Variants in REV3L observed in about 807,000 individuals in gnomAD.
The protein encoded by REV3L is REV3 like, DNA directed polymerase zeta catalytic subunit.
A neutral mutation model predicts 299.4 loss-of-function variants in REV3L; 69 were observed. The ratio of observed to expected loss-of-function variants is 0.23; its 90% confidence interval spans 0.19 to 0.28. The LOEUF is 0.28. REV3L is among the 10% of genes least tolerant of loss of function. The probability of loss-of-function intolerance (pLI) is 1.00; values close to 1 mark genes in which losing one functional copy is unlikely to be tolerated. For synonymous variants in REV3L, 1,238 were observed against 1,271.4 expected (o/e 0.97, Z 0.56); for missense variants, 3,128 against 3,693.8 (o/e 0.85, Z 3.97).
At chr6:111,418,671 T>C (rs1033757600) in intron 1 of REV3L, among the ~76,000 whole-genome samples, 2 of 152,236 alleles carry the variant, frequency 1.3e-5, no homozygotes, top group East Asian at 3.8e-4. Context: ...ACCAATACTC[T>C]TTCCATTTAA....
intron 31 of REV3L, among the ~76,000 whole-genome samples, chr6:111,301,697 T>G (rs1488923641): frequency 6.6e-6 from 1 of 152,102 alleles, no homozygotes. Context: ...GGATGTATAA[T>G]AAGATCTGAT....
At chr6:111,314,428 C>T (rs777815469) in intron 27 of REV3L, among the ~76,000 whole-genome samples, 1 of 152,148 alleles carries the variant, frequency 6.6e-6, no homozygotes, top group Non-Finnish European at 1.5e-5. Context: ...GATGTTCACA[C>T]CTAGAACCCA....
At position 111,475,024 on chromosome 6, in the gene REV3L, T is replaced by C. The variant is rs1002378201; in HGVS notation, c.139+7726A>G. 1.2e-3 allele frequency among the ~76,000 whole-genome samples: 170 copies of C among 136,970 alleles called. 1 individual carries two copies. Among genetic ancestry groups the C allele is most frequent in the South Asian group, 7.7e-3 (34 of 4,394 alleles). 89.9% of individuals were successfully genotyped at this position (136,970 alleles called of 152,430 possible). On this transcript the variant is annotated intron_variant, in intron 1 of 31. Coordinates refer to ENST00000368802, the MANE Select transcript of REV3L (RefSeq NM_001372078.1). The stretch of plus-strand genomic sequence containing the variant: ...ACACACACACACACACACACACACA[T>C]ATGGATTTTATTATAATAAAGAATT...
At chr6:111,412,119 T>C (rs879002710) in intron 2 of REV3L, 5 of 985,368 alleles carry the variant, frequency 5.1e-6, no homozygotes, top group Admixed American at 6.1e-5. Context: ...GTACCTATTA[T>C]ATGTACACAC....
At chr6:111,422,715 A>C (rs1785717808) in intron 1 of REV3L, among the ~76,000 whole-genome samples, 1 of 139,208 alleles carries the variant, frequency 7.2e-6, no homozygotes, top group African/African-American at 2.6e-5. Context: ...CCCCCACTAA[A>C]TATACAACTT....
At chr6:111,401,765 T>C (rs1339693477) in intron 4 of REV3L, among the ~76,000 whole-genome samples, 1 of 152,160 alleles carries the variant, frequency 6.6e-6, no homozygotes, top group African/African-American at 2.4e-5. Flanking sequence ...AATAAAACTA[T>C]TAGTGAATAT....
At position 111,390,151 on chromosome 6, in the gene REV3L, T is replaced by C. The variant is rs781398942; in HGVS notation, c.692A>G (p.Gln231Arg). The C allele has an allele frequency of 1.2e-6, 2 of 1,609,340 alleles. No homozygotes were observed. The highest frequency in any genetic ancestry group is 3.3e-5 in the Admixed American group (2 of 60,008). ...ATCCACTTCTAATTCACATGTACTCTGTGGTTCAACACCTTCCAATATTAA... is the reference window on the plus strand; with the variant it reads ...ATCCACTTCTAATTCACATGTACTCCGTGGTTCAACACCTTCCAATATTAA... ...SSLILEGVEPQSTCELEVDAV... is the reference protein window; with the variant it reads ...SSLILEGVEPRSTCELEVDAV... The change falls in exon 6 of 32, where the codon CAG (glutamine) becomes CGG (arginine). Residue 231 changes from glutamine to arginine, a missense_variant. Gln to Arg is a conservative substitution (Grantham distance 43). This residue lies in a region of REV3L where 2,409 missense variants were observed against 2,611.8 expected (regional missense o/e 0.92). Transcript: ENST00000368802.
chr6:111,481,590 G>T (rs1414501536), intron 1 of REV3L, among the ~76,000 whole-genome samples: 1 of 152,180 alleles, frequency 6.6e-6, no homozygotes, highest in Non-Finnish European at 1.5e-5. Context: ...GTAGTCCACA[G>T]AAACTGACTG....
intron 21 of REV3L, among the ~76,000 whole-genome samples, chr6:111,342,946 A>C (rs1468730940): frequency 3.9e-5 from 6 of 152,194 alleles, no homozygotes; most frequent in Admixed American, 6.5e-5. Context: ...ATCCTTCAAA[A>C]ATAAGGGTGA....
chr6:111,310,794 G>A, intron 29 of REV3L: 2 of 333,296 alleles, frequency 6.0e-6, no homozygotes, highest in Non-Finnish European at 1.1e-5. Context: ...CAATATTAAG[G>A]ACTACCTAGT....
chr6:111,452,345 T>G (rs2128317718), intron 1 of REV3L, among the ~76,000 whole-genome samples: 2 of 152,194 alleles, frequency 1.3e-5, no homozygotes, highest in East Asian at 3.9e-4. Flanking sequence ...ACAATCCCAC[T>G]CCTAAGTATT....
chr6:111,458,115 T>C (rs1305224653), intron 1 of REV3L, among the ~76,000 whole-genome samples: 1 of 152,142 alleles, frequency 6.6e-6, no homozygotes, highest in Non-Finnish European at 1.5e-5. Context: ...ACTTTATTCC[T>C]GGGATGCAAG....
chr6:111,329,803 A>T (rs1267632464), intron 24 of REV3L, 65 bp from the exon 25 acceptor site: 2 of 1,280,466 alleles, frequency 1.6e-6, no homozygotes, highest in Non-Finnish European at 2.2e-6. Context: ...ATTAAGAAGG[A>T]AGCATAAAAC....
At position 111,342,908 on chromosome 6, in the gene REV3L, A is replaced by G. The variant is rs1776666599; in HGVS notation, c.7538+1017T>C. Among the ~76,000 whole-genome samples, 3 of 152,190 alleles carry G rather than the reference A, an allele frequency of 2.0e-5. No individual in the cohort carries two copies. In the South Asian group the frequency reaches 6.2e-4, roughly 32 times the overall value. On this transcript the variant is annotated intron_variant, in intron 21 of 31. Coordinates refer to ENST00000368802, the MANE Select transcript of REV3L (RefSeq NM_001372078.1). ...AACAAAATCTTTAGAGTGGTGAAAG[A>G]AAAAAACGCAACTGAGACTGAGAAA...
chr6:111,460,186 T>C (rs1260535586), intron 1 of REV3L: 1 of 152,070 alleles, frequency 6.6e-6, no homozygotes, highest in Non-Finnish European at 1.5e-5. Flanking sequence ...AAATACCCCA[T>C]GTTCTCACTT....
At chr6:111,478,997 A>T (rs114163666) in intron 1 of REV3L, among the ~76,000 whole-genome samples, 2,746 of 152,300 alleles carry the variant, frequency 0.018, 77 homozygotes, top group African/African-American at 0.063. Flanking sequence ...GTTCTGTTTA[A>T]CCTGGTGCTG....
intron 2 of REV3L, among the ~76,000 whole-genome samples, chr6:111,413,375 A>C (rs1201701883): frequency 6.6e-6 from 1 of 152,056 alleles, no homozygotes; most frequent in Non-Finnish European, 1.5e-5. Flanking sequence ...TAAGTATATC[A>C]ATAGGAAGGA....
intron 4 of REV3L, among the ~76,000 whole-genome samples, chr6:111,400,843 T>C (rs1436341595): frequency 2.6e-5 from 4 of 152,240 alleles, no homozygotes; most frequent in Non-Finnish European, 5.9e-5. Context: ...GTTCATATTT[T>C]ACATTTAAGT....
At position 111,381,460 on chromosome 6, in the gene REV3L, A is replaced by T. The variant is rs1356957176; in HGVS notation, c.1097-16T>A. On this transcript the variant is annotated splice_polypyrimidine_tract_variant and intron_variant, in intron 9 of 31. Transcript: ENST00000368802. ...CTAGTGTGACCTTAATTTGACAAAG[A>T]ATAAAAAAAATTGAAGCAATGGCCT... 6.3e-7 allele frequency: 1 copy of T among 1,588,138 alleles called. No individual in the cohort carries two copies. The highest frequency in any genetic ancestry group is 8.5e-7 in the Non-Finnish European group (1 of 1,171,128).
Sources: allele counts gnomAD v4.1 joint callset (sites outside exome capture counted in the v4.1 genomes callset), GRCh38; gene constraint gnomAD v4.1.1; regional missense constraint gnomAD v4.1.1; transcripts MANE v1.5; gene names NCBI Gene and HGNC (gene_info 2026-07-23, HGNC 2026-07-21).